The following GRM8 variants were observed in gnomAD, a reference collection of about 807,000 sequenced individuals.
GRM8 encodes glutamate metabotropic receptor 8, also known as metabotropic glutamate receptor 8.
Under a neutral mutation model 87.2 loss-of-function variants are expected in GRM8, and 47 were observed. That is an observed-to-expected ratio of 0.54 (90% CI 0.43 to 0.69). GRM8 has a LOEUF of 0.69. GRM8 is among the 30% of genes least tolerant of loss of function. The pLI is 0.00. For missense variants in GRM8, 1,019 were observed against 1,139.2 expected, an observed-to-expected ratio of 0.89 and a Z score of 1.52; for synonymous variants, 396 against 404.5, an observed-to-expected ratio of 0.98 and a Z score of 0.25.
chr7:127,019,644 A>G (rs957973222), intron 3 of GRM8, among the ~76,000 whole-genome samples: 2 of 152,054 alleles, frequency 1.3e-5, no homozygotes, highest in African/African-American at 4.8e-5. Flanking sequence ...AAACACCAAG[A>G]ATCATTACAC....
chr7:127,223,443 G>GCACACACACACACACACA (rs61674303), intron 2 of GRM8, among the ~76,000 whole-genome samples: 2 of 143,980 alleles, frequency 1.4e-5, no homozygotes, highest in Non-Finnish European at 3.1e-5. Flanking sequence ...ACACACACAC[G>GCACACACACACACACACA]CACACACACA....
At chr7:126,632,535 T>C (rs1027017215) in intron 7 of GRM8, among the ~76,000 whole-genome samples, 2 of 152,178 alleles carry the variant, frequency 1.3e-5, no homozygotes, top group African/African-American at 4.8e-5. Context: ...TTATTCAGTA[T>C]ATACCCAAAG....
At chr7:126,677,749 A>T (rs893282325) in intron 7 of GRM8, among the ~76,000 whole-genome samples, 3 of 152,208 alleles carry the variant, frequency 2.0e-5, no homozygotes, top group Non-Finnish European at 4.4e-5. Context: ...TAGGTACAAC[A>T]TATACTATTT....
chr7:127,239,951 C>T (rs1179677610), intron 2 of GRM8, among the ~76,000 whole-genome samples: 2 of 152,154 alleles, frequency 1.3e-5, no homozygotes, highest in South Asian at 2.1e-4. Context: ...GTTAAACGCG[C>T]ACTCTGGACC....
chr7:126,688,530 G>GTATATAA (rs1808416037), intron 7 of GRM8, among the ~76,000 whole-genome samples: 1 of 152,152 alleles, frequency 6.6e-6, no homozygotes, highest in Non-Finnish European at 1.5e-5. Context: ...TTTATAAAAA[G>GTATATAA]AGTGAACAGA....
chr7:126,450,949 A>T (rs949378711), intron 9 of GRM8, among the ~76,000 whole-genome samples: 2 of 151,844 alleles, frequency 1.3e-5, no homozygotes, highest in Admixed American at 6.6e-5. Context: ...GACAAGCTTC[A>T]TGGGTGTGCA....
chr7:127,178,139 G>C (rs1172624967), intron 2 of GRM8, among the ~76,000 whole-genome samples: 1 of 152,118 alleles, frequency 6.6e-6, no homozygotes, highest in African/African-American at 2.4e-5. Context: ...CAAGGAAGTA[G>C]ATAGCTTAAA....
At chr7:127,083,326 G>A (rs1823076803) in intron 3 of GRM8, among the ~76,000 whole-genome samples, 1 of 152,134 alleles carries the variant, frequency 6.6e-6, no homozygotes, top group East Asian at 1.9e-4. Flanking sequence ...GCTTGCAATT[G>A]TTTGATTCTA....
At chr7:127,213,430 T>C (rs1476076728) in intron 2 of GRM8, among the ~76,000 whole-genome samples, 1 of 152,232 alleles carries the variant, frequency 6.6e-6, no homozygotes, top group Admixed American at 6.5e-5. Context: ...TGAAATATTT[T>C]GCATATATCA....
chr7:126,729,707 T>C (rs536915822), intron 7 of GRM8, among the ~76,000 whole-genome samples: 56 of 152,332 alleles, frequency 3.7e-4, no homozygotes, highest in Non-Finnish European at 6.2e-4. Context: ...GTGTCACCTA[T>C]GATTTCTTTT....
intron 2 of GRM8, among the ~76,000 whole-genome samples, chr7:127,210,129 T>C (rs1470373109): frequency 6.6e-6 from 1 of 152,174 alleles, no homozygotes; most frequent in Non-Finnish European, 1.5e-5. Flanking sequence ...GCAGAATTCT[T>C]TTCCCTCCTA....
Position 126,694,854 on chromosome 7 carries a change from CA to C in GRM8, c.1357+75010del, listed in dbSNP as rs1402317153. The stretch of plus-strand genomic sequence containing the variant: ...TGTCCATGCAATTCTTGTTCAGCTC[CA>C]AGTCCAGCCAGAGGCATTTAATGTG... On this transcript the variant is annotated intron_variant, in intron 7 of 10. Transcript: ENST00000339582. Among the ~76,000 whole-genome samples the C allele has an allele frequency of 6.6e-5, 10 of 152,152 alleles. No homozygotes were observed. In the East Asian group the frequency reaches 1.9e-3, roughly 29 times the overall value.
intron 2 of GRM8, among the ~76,000 whole-genome samples, chr7:127,158,768 G>A (rs779176320): frequency 6.6e-6 from 1 of 151,926 alleles, no homozygotes; most frequent in Non-Finnish European, 1.5e-5. Context: ...AATTCGTAGG[G>A]GGACACAAAC....
At chr7:126,712,834 G>A (rs1324594743) in intron 7 of GRM8, among the ~76,000 whole-genome samples, 4 of 152,016 alleles carry the variant, frequency 2.6e-5, no homozygotes, top group African/African-American at 7.3e-5. Context: ...TAAGAAACAT[G>A]TGGGAAAAAA....
Position 126,456,519 on chromosome 7 carries a change from T to TAAAAAAAAAAAAAAAAAAA in GRM8, c.2431-10166_2431-10148dup, listed in dbSNP as rs513. Among the ~76,000 whole-genome samples, 72 of 69,680 alleles carry TAAAAAAAAAAAAAAAAAAA rather than the reference T, an allele frequency of 1.0e-3. 7 individuals carry two copies. The highest frequency in any genetic ancestry group is 1.2e-3 in the Non-Finnish European group (50 of 40,162). 45.7% of individuals were successfully genotyped at this position (69,680 alleles called of 152,430 possible). ...TCCTAAGTGTAAGAAAGCAGCAAGC[T>TAAAAAAAAAAAAAAAAAAA]AAAAAAAAAAAAAAAAAAAAAAAAA... On this transcript the variant is annotated intron_variant, in intron 9 of 10. Transcript: ENST00000339582.
chr7:126,609,294 A>G (rs999945500), intron 8 of GRM8, 68 bp downstream of exon 8: 1 of 1,184,824 alleles, frequency 8.4e-7, no homozygotes, highest in African/African-American at 1.5e-5. Context: ...CAAAAGTTAT[A>G]CACTTAAAAA....
intron 2 of GRM8, among the ~76,000 whole-genome samples, chr7:127,223,439 A>ACACG (rs1175395053): frequency 5.1e-5 from 4 of 78,042 alleles, no homozygotes; most frequent in South Asian, 7.5e-4. Context: ...CCACACACAC[A>ACACG]CACGCACACA....
chr7:126,900,847 CA>C (rs1219743264), intron 6 of GRM8, among the ~76,000 whole-genome samples: 1 of 152,102 alleles, frequency 6.6e-6, no homozygotes, highest in Admixed American at 6.6e-5. Context: ...GGCCTGTCCC[CA>C]GGATACTGGA....
chr7:127,000,912 T>A (rs912089396), intron 3 of GRM8, among the ~76,000 whole-genome samples: 1 of 151,734 alleles, frequency 6.6e-6, no homozygotes, highest in Non-Finnish European at 1.5e-5. Context: ...CCTAGGAGAC[T>A]TTTTTATGAA....
Sources: allele counts gnomAD v4.1 joint callset (sites outside exome capture counted in the v4.1 genomes callset), GRCh38; gene constraint gnomAD v4.1.1; transcripts MANE v1.5; gene names NCBI Gene and HGNC (gene_info 2026-07-23, HGNC 2026-07-21).